PSG8: variants seen among roughly 807,000 people sequenced by gnomAD.
PSG8 encodes pregnancy specific beta-1-glycoprotein 8.
In PSG8, 57 loss-of-function variants were observed where a neutral mutation model predicts 42.5. The observed-to-expected ratio is 1.34, with a 90% CI of 1.08 to 1.67. The LOEUF (loss-of-function observed/expected upper bound fraction) is 1.67. Among genes scored for constraint, PSG8 ranks in the 40% most tolerant of loss-of-function variants. The pLI, the probability that PSG8 is intolerant of heterozygous loss-of-function variation, is 0.00. For synonymous variants in PSG8, 280 were observed against 196.8 expected, an observed-to-expected ratio of 1.42 and a Z score of -3.54; for missense variants, 783 against 518.6, an observed-to-expected ratio of 1.51 and a Z score of -4.95.
Position 42,760,562 on chromosome 19 carries a change from A to T in PSG8, c.431-2282T>A, listed in dbSNP as rs1970047816. ...GTGTGCAGTCTACCAGTAAGCATCA[A>T]AAGCATTCTTCATTTCTCTAACAGC... is the stretch of plus-strand genomic sequence containing the variant. On this transcript the variant is annotated intron_variant, in intron 2 of 4. Coordinates refer to ENST00000306511, the MANE Select transcript of PSG8 (RefSeq NM_182707.3). Among the ~76,000 whole-genome samples the T allele has an allele frequency of 2.0e-5, 3 of 152,108 alleles. No individual in the cohort carries two copies. The South Asian group carries it at 6.3e-4, about 32-fold the overall frequency.
chr19:42,757,602 G>A lies in PSG8; in HGVS notation c.709+400C>T, dbSNP rs1369263394. On this transcript the variant is annotated intron_variant, in intron 3 of 4. Coordinates refer to ENST00000306511, the MANE Select transcript of PSG8 (RefSeq NM_182707.3). ...GGTGGGGGCATCCAGGCCATGTGGA[G>A]CAAAGAGAATAATGTCACAGGCGAT... Among the ~76,000 whole-genome samples, 2 of 152,154 alleles carry A rather than the reference G, an allele frequency of 1.3e-5. 1 individual carries two copies. Among genetic ancestry groups the A allele is most frequent in the Non-Finnish European group, 2.9e-5 (2 of 68,022 alleles).
chr19:42,756,506 G>A (rs890984131), intron 3 of PSG8, among the ~76,000 whole-genome samples: 7 of 152,072 alleles, frequency 4.6e-5, no homozygotes, highest in Non-Finnish European at 7.3e-5. Context: ...TATACTTACT[G>A]GTTTAGCATC....
intron 3 of PSG8, among the ~76,000 whole-genome samples, chr19:42,757,507 G>A (rs899599437): frequency 2.0e-5 from 3 of 152,106 alleles, no homozygotes; most frequent in African/African-American, 4.8e-5. Flanking sequence ...TCTGCCAGTG[G>A]GTGAGAGTCT....
At chr19:42,763,881 C>T (rs1428488348) in intron 2 of PSG8, 35 bp downstream of exon 2, 4 of 1,613,386 alleles carry the variant, frequency 2.5e-6, no homozygotes, top group Non-Finnish European at 3.4e-6. Flanking sequence ...TGACCCCTGT[C>T]CCCCAACACC....
intron 2 of PSG8, among the ~76,000 whole-genome samples, chr19:42,762,312 C>T (rs1174939799): frequency 6.6e-6 from 1 of 151,896 alleles, no homozygotes; most frequent in Non-Finnish European, 1.5e-5. Flanking sequence ...CCAGGTGCCC[C>T]CAGCTCCACA....
At chr19:42,757,404 C>G (rs544191479) in intron 3 of PSG8, among the ~76,000 whole-genome samples, 3 of 152,126 alleles carry the variant, frequency 2.0e-5, no homozygotes, top group East Asian at 1.9e-4. Flanking sequence ...ATGGATGAAA[C>G]AGACATAGAC....
At chr19:42,764,340 G>A in intron 1 of PSG8, 59 bp from the exon 2 acceptor site, 4 of 1,562,356 alleles carry the variant, frequency 2.6e-6, no homozygotes, top group Non-Finnish European at 3.5e-6. Flanking sequence ...GTGAAAACAT[G>A]GGGCCCTGGG....
Position 42,754,696 on chromosome 19 carries a change from C to G in PSG8, c.989-109G>C, listed in dbSNP as rs994546351. The G allele has an allele frequency of 3.7e-5, 51 of 1,360,762 alleles. 1 individual carries two copies. The Middle Eastern group carries it at 1.3e-3, about 36-fold the overall frequency. The allele number at this position is 1,360,762 out of a possible 1,614,324, so 84.3% of individuals were successfully genotyped here. A position where few individuals can be genotyped will look rare whatever the true frequency, so the allele number is the denominator to read the frequency against. On this transcript the variant is annotated intron_variant, in intron 4 of 4. Transcript: ENST00000306511. ...TCTGAGCCAAGACACACCCTCAAGT[C>G]CCAGCCCAACCCCCTCTATGTTCAC...
At position 42,761,820 on chromosome 19, in the gene PSG8, A is replaced by ATTTTTTTTTTTTTTTTTT. The variant is rs58868359; in HGVS notation, c.430+2078_430+2095dup. On this transcript the variant is annotated intron_variant, in intron 2 of 4. Coordinates refer to ENST00000306511, the MANE Select transcript of PSG8 (RefSeq NM_182707.3). The stretch of plus-strand genomic sequence containing the variant: ...TTGACTAGAAACCAACATTTCAATA[A>ATTTTTTTTTTTTTTTTTT]TTTTTTTTTTTTTTTTTTTTTTTTT... Among the ~76,000 whole-genome samples, 48 of 70,426 alleles carry ATTTTTTTTTTTTTTTTTT rather than the reference A, an allele frequency of 6.8e-4. 6 individuals are homozygous for ATTTTTTTTTTTTTTTTTT. The highest frequency in any genetic ancestry group is 1.4e-3 in the Admixed American group (6 of 4,426). The allele number at this position is 70,426 out of a possible 152,430, so 46.2% of individuals were successfully genotyped here.
rs757599628 is a variant in PSG8 at position 42,754,494 on chromosome 19, G to C, written c.1082C>G (p.Pro361Arg). The C allele has an allele frequency of 3.1e-6, 5 of 1,613,728 alleles. No individual in the cohort carries two copies. The African/African-American group carries it at 4.0e-5, about 13-fold the overall frequency. Residue 361 changes from proline to arginine, a missense_variant, in exon 5 of 5, where the codon CCG (proline) becomes CGG (arginine). By Grantham distance (103) the Pro-to-Arg change is moderately radical. Coordinates refer to ENST00000306511, the MANE Select transcript of PSG8 (RefSeq NM_182707.3). ...YLSCSADSNP[P>R]AQYSWTINGK... ...ATTAATTGTCCAAGAATACTGTGCCGGTGGGTTAGAGTCCGCAGAACAGGA... is the reference window on the plus strand; with the variant it reads ...ATTAATTGTCCAAGAATACTGTGCCCGTGGGTTAGAGTCCGCAGAACAGGA...
At chr19:42,753,148 C>T, downstream of PSG8, 1 of 693,854 alleles carries the variant, frequency 1.4e-6, no homozygotes, top group Admixed American at 2.0e-5. Flanking sequence ...TGAAGTCATC[C>T]ACTTGTTGTC....
chr19:42,765,541 G>C lies in PSG8; in HGVS notation c.41C>G (p.Thr14Ser), dbSNP rs142949326. The C allele has an allele frequency of 6.6e-5, 107 of 1,611,352 alleles. 1 individual carries two copies. In the African/African-American group the frequency reaches 1.1e-3, roughly 16 times the overall value. ...ACCTGTGAGCAGGAGCCCCTTCCAG[G>C]TGATGCGCTGTGTGCAGGGAGGGGC... The part of the protein sequence containing the change: ...LSAPPCTQRI[T>S]WKGLLLTASL... Residue 14 changes from threonine to serine, a missense_variant, in exon 1 of 5, where the codon ACC becomes AGC. Thr to Ser is a moderately conservative substitution (Grantham distance 58). Transcript: ENST00000306511.
chr19:42,761,914 T>A (rs1243273857), intron 2 of PSG8, among the ~76,000 whole-genome samples: 3 of 131,874 alleles, frequency 2.3e-5, no homozygotes, highest in Non-Finnish European at 4.7e-5. Context: ...TGCCTATCCC[T>A]GTCCCATTGT....
chr19:42,753,583 G>A (rs1969834571), downstream of PSG8, among the ~76,000 whole-genome samples: 1 of 152,188 alleles, frequency 6.6e-6, no homozygotes, highest in African/African-American at 2.4e-5. Flanking sequence ...TGCAGCAAGA[G>A]TAGCAATGGA....
At chr19:42,759,682 G>T (rs180988790) in intron 2 of PSG8, among the ~76,000 whole-genome samples, 5 of 152,060 alleles carry the variant, frequency 3.3e-5, no homozygotes, top group Non-Finnish European at 7.4e-5. Context: ...CCCATAAAAA[G>T]TTGTCAGGAG....
chr19:42,756,842 G>A (rs1415290154), intron 3 of PSG8, among the ~76,000 whole-genome samples: 1 of 151,768 alleles, frequency 6.6e-6, no homozygotes, highest in Non-Finnish European at 1.5e-5. Context: ...TGTCAGGTGA[G>A]ATTTAGGACA....
intron 2 of PSG8, among the ~76,000 whole-genome samples, chr19:42,759,311 T>C (rs1359708963): frequency 1.3e-5 from 2 of 152,132 alleles, no homozygotes; most frequent in Non-Finnish European, 2.9e-5. Context: ...TAGGAGTTTC[T>C]ACGAGCTGGG....
At position 42,754,484 on chromosome 19, in the gene PSG8, A is replaced by T; in HGVS notation, c.1092T>A (p.Tyr364Ter). The change falls in exon 5 of 5, where the codon TAT becomes TAA. Residue 364 changes from tyrosine (Y) to a stop codon, truncating the protein, a stop_gained. Transcript: ENST00000306511. LOFTEE classifies it high-confidence loss of function. ...GAAACTTCCCATTAATTGTCCAAGA[A>T]TACTGTGCCGGTGGGTTAGAGTCCG... ...CSADSNPPAQYSWTINGKFQL... is the reference protein window; with the variant it reads ...CSADSNPPAQ 6.2e-7 allele frequency: 1 copy of T among 1,613,952 alleles called. No individual in the cohort carries two copies.
intron 2 of PSG8, among the ~76,000 whole-genome samples, chr19:42,762,579 G>C (rs1017368015): frequency 2.0e-5 from 3 of 151,990 alleles, no homozygotes; most frequent in African/African-American, 7.3e-5. Flanking sequence ...TGTCTGTCTC[G>C]CTGGGCCTGT....
Sources: gnomAD v4.1 joint callset for allele counts (sites outside exome capture counted in the v4.1 genomes callset) on GRCh38, gnomAD v4.1.1 for gene constraint, MANE v1.5 for transcripts, NCBI Gene and HGNC (gene_info 2026-07-23, HGNC 2026-07-21) for gene names.